The following CCSER1 variants were observed in gnomAD, a reference collection of about 807,000 sequenced individuals.
CCSER1 encodes serine-rich coiled-coil domain-containing protein 1.
In CCSER1, 41 loss-of-function variants were observed where a neutral mutation model predicts 82.0. That is an observed-to-expected ratio of 0.50 (90% CI 0.39 to 0.65). CCSER1 has a LOEUF of 0.65. CCSER1 is among the 30% of genes least tolerant of loss of function. The pLI, the probability that CCSER1 is intolerant of heterozygous loss-of-function variation, is 0.00. For synonymous variants in CCSER1, 414 were observed against 383.9 expected, an observed-to-expected ratio of 1.08 and a Z score of -0.92; for missense variants, 1,119 against 1,064.2, an observed-to-expected ratio of 1.05 and a Z score of -0.72.
intron 9 of CCSER1, among the ~76,000 whole-genome samples, chr4:91,043,715 C>T (rs1024935546): frequency 4.0e-5 from 6 of 151,654 alleles, no homozygotes; most frequent in Non-Finnish European, 7.4e-5. Context: ...CTCAGCCTCC[C>T]GAGTAACTGG....
intron 4 of CCSER1, among the ~76,000 whole-genome samples, chr4:90,435,105 G>A (rs1181121964): frequency 2.0e-5 from 3 of 152,026 alleles, no homozygotes; most frequent in African/African-American, 4.8e-5. Flanking sequence ...TTAAAAACAA[G>A]CAAATAGTAC....
chr4:91,488,168 C>A (rs941386912), intron 10 of CCSER1, among the ~76,000 whole-genome samples: 1 of 151,978 alleles, frequency 6.6e-6, no homozygotes, highest in African/African-American at 2.4e-5. Context: ...TTTATTTGTT[C>A]GCATAAGCGG....
chr4:91,448,701 A>G (rs545967193), intron 10 of CCSER1, among the ~76,000 whole-genome samples: 1 of 152,234 alleles, frequency 6.6e-6, no homozygotes, highest in South Asian at 2.1e-4. Flanking sequence ...CTGAACATTT[A>G]TGATATGCCA....
intron 9 of CCSER1, among the ~76,000 whole-genome samples, chr4:91,004,038 C>G (rs1738283869): frequency 6.6e-6 from 1 of 152,348 alleles, no homozygotes; most frequent in East Asian, 1.9e-4. Context: ...ATTCCCCTTT[C>G]TACTTCCACA....
intron 5 of CCSER1, among the ~76,000 whole-genome samples, chr4:90,472,168 A>T (rs1421126499): frequency 6.6e-6 from 1 of 152,194 alleles, no homozygotes; most frequent in East Asian, 1.9e-4. Context: ...TTTGAAATAT[A>T]GGATTCATAG....
At position 90,959,270 on chromosome 4, in the gene CCSER1, A is replaced by G. The variant is rs113841161; in HGVS notation, c.2172+35823A>G. Among the ~76,000 whole-genome samples, 192 of 152,310 alleles carry G rather than the reference A, an allele frequency of 1.3e-3. 2 individuals carry two copies. The highest frequency in any genetic ancestry group is 2.3e-3 in the Non-Finnish European group (154 of 68,020). On this transcript the variant is annotated intron_variant, in intron 9 of 10. Transcript: ENST00000509176. ...ATGCAGTATTCTTTGCCTATTTCCA[A>G]TATCTATATTATATTTCTATAATAC...
At chr4:90,219,555 C>A (rs1202945727) in intron 1 of CCSER1, among the ~76,000 whole-genome samples, 6 of 152,102 alleles carry the variant, frequency 3.9e-5, no homozygotes, top group Admixed American at 1.3e-4. Flanking sequence ...CTTACCTAAA[C>A]CCTAGTCCCA....
chr4:90,598,660 T>A (rs904938635), intron 5 of CCSER1, among the ~76,000 whole-genome samples: 3 of 152,210 alleles, frequency 2.0e-5, no homozygotes, highest in African/African-American at 4.8e-5. Flanking sequence ...ATTGGATTTT[T>A]AAAATTTTTC....
Position 90,294,494 on chromosome 4 carries a change from G to A in CCSER1, c.-41-13750G>A, listed in dbSNP as rs184466992. On this transcript the variant is annotated intron_variant, in intron 1 of 10. Coordinates refer to ENST00000509176, the MANE Select transcript of CCSER1 (RefSeq NM_001145065.2). ...TAGGAATTGATGTTTGTATTTTGTCGAACTTGGTGAAATTATTTTTAGAAA... is the reference window on the plus strand; with the variant it reads ...TAGGAATTGATGTTTGTATTTTGTCAAACTTGGTGAAATTATTTTTAGAAA... Among the ~76,000 whole-genome samples the A allele has an allele frequency of 1.9e-4, 29 of 151,978 alleles. No homozygotes were observed. The East Asian group carries it at 3.7e-3, about 19-fold the overall frequency.
chr4:91,488,938 C>A (rs1758365383), intron 10 of CCSER1, among the ~76,000 whole-genome samples: 1 of 152,040 alleles, frequency 6.6e-6, no homozygotes, highest in African/African-American at 2.4e-5. Context: ...GTTAGGAAGT[C>A]ATAAGTTTCA....
chr4:90,257,556 G>GATAGATAGATAGATAC (rs946997938), intron 1 of CCSER1, among the ~76,000 whole-genome samples: 10 of 109,952 alleles, frequency 9.1e-5, no homozygotes, highest in African/African-American at 2.8e-4. Context: ...TAGATAGATA[G>GATAGATAGATAGATAC]ATAGATACAT....
intron 3 of CCSER1, among the ~76,000 whole-genome samples, chr4:90,344,054 CT>C (rs1303930156): frequency 6.6e-6 from 1 of 152,174 alleles, no homozygotes; most frequent in East Asian, 1.9e-4. Flanking sequence ...CCTCCCCAGC[CT>C]CTGGTAACCA....
chr4:90,892,548 C>T (rs548414347), intron 8 of CCSER1, among the ~76,000 whole-genome samples: 122 of 151,878 alleles, frequency 8.0e-4, no homozygotes, highest in Non-Finnish European at 1.3e-3. Flanking sequence ...TTTGTTCTCA[C>T]GTCTTCAATT....
chr4:90,512,643 A>G (rs12643810), intron 5 of CCSER1, among the ~76,000 whole-genome samples: 70,274 of 152,056 alleles, frequency 0.46, 20,728 homozygotes, highest in African/African-American at 0.84. Flanking sequence ...AACTGAAAAT[A>G]TGTTTGTATC....
intron 5 of CCSER1, among the ~76,000 whole-genome samples, chr4:90,484,353 A>G (rs1342785944): frequency 1.3e-5 from 2 of 152,050 alleles, no homozygotes; most frequent in Non-Finnish European, 2.9e-5. Context: ...TGATCTTCTG[A>G]AGCCTTGTTC....
At chr4:90,749,744 G>A (rs9760789) in intron 7 of CCSER1, among the ~76,000 whole-genome samples, 40,319 of 151,516 alleles carry the variant, frequency 0.27, 6,035 homozygotes, top group East Asian at 0.33. Flanking sequence ...TAGTGCCACA[G>A]TAAACATACG....
At chr4:90,304,812 A>T (rs981247612) in intron 1 of CCSER1, among the ~76,000 whole-genome samples, 12 of 151,580 alleles carry the variant, frequency 7.9e-5, no homozygotes, top group African/African-American at 1.2e-4. Context: ...AATAAAAAAT[A>T]AAAAAAAATA....
chr4:91,396,822 C>T (rs762643455), intron 10 of CCSER1, among the ~76,000 whole-genome samples: 32 of 151,996 alleles, frequency 2.1e-4, no homozygotes, highest in Non-Finnish European at 2.4e-4. Flanking sequence ...AAGCTTATTA[C>T]GAGTCAAGAA....
chr4:91,174,971 G>A (rs894392838), intron 10 of CCSER1, among the ~76,000 whole-genome samples: 1 of 151,726 alleles, frequency 6.6e-6, no homozygotes, highest in Admixed American at 6.6e-5. Context: ...ATCTCTCCCT[G>A]CTCCCCCCAC....
Sources: allele counts gnomAD v4.1 joint callset (sites outside exome capture counted in the v4.1 genomes callset), GRCh38; gene constraint gnomAD v4.1.1; transcripts MANE v1.5; gene names NCBI Gene and HGNC (gene_info 2026-07-23, HGNC 2026-07-21).